The following ADAMTS19 variants were observed in gnomAD, a reference collection of about 807,000 sequenced individuals.
The protein encoded by ADAMTS19 is A disintegrin and metalloproteinase with thrombospondin motifs 19.
ADAMTS19 carries 93 observed loss-of-function variants against 153.3 expected under a neutral mutation model. The observed-to-expected ratio is 0.61, with a 90% confidence interval of 0.51 to 0.72. ADAMTS19 has a LOEUF of 0.72. Ranked by LOEUF, ADAMTS19 falls within the 30% of genes least tolerant of loss-of-function variation. The pLI, the probability that ADAMTS19 is intolerant of heterozygous loss-of-function variation, is 0.00. For missense variants in ADAMTS19, 1,482 were observed against 1,552.1 expected, an observed-to-expected ratio of 0.95 and a Z score of 0.76; for synonymous variants, 600 against 556.6, an observed-to-expected ratio of 1.08 and a Z score of -1.10.
intron 15 of ADAMTS19, among the ~76,000 whole-genome samples, chr5:129,663,404 T>C (rs1753905865): frequency 6.6e-6 from 1 of 152,184 alleles, no homozygotes; most frequent in Admixed American, 6.5e-5. Flanking sequence ...TACTGGATGT[T>C]TCTACTAGTG....
chr5:129,666,196 T>G (rs1428271552), intron 16 of ADAMTS19, among the ~76,000 whole-genome samples: 1 of 152,012 alleles, frequency 6.6e-6, no homozygotes, highest in African/African-American at 2.4e-5. Flanking sequence ...ATTAGGTCAA[T>G]TCATGATTTT....
At position 129,622,359 on chromosome 5, in the gene ADAMTS19, AG is replaced by A; in HGVS notation, c.1770+13del. ...TGTCAGGAGATGCAGGTAAAGATCC[AG>A]GTGGGGATTTTGTGCGTTCATTCAT... On this transcript the variant is annotated intron_variant, in intron 10 of 22. Coordinates refer to ENST00000274487, the MANE Select transcript of ADAMTS19 (RefSeq NM_133638.6). 1.9e-6 allele frequency: 3 copies of A among 1,613,802 alleles called. No individual in the cohort carries two copies. Among genetic ancestry groups the A allele is most frequent in the South Asian group, 1.1e-5 (1 of 91,068 alleles).
At chr5:129,629,567 A>G (rs1369198184) in intron 10 of ADAMTS19, among the ~76,000 whole-genome samples, 2 of 152,100 alleles carry the variant, frequency 1.3e-5, no homozygotes, top group Non-Finnish European at 2.9e-5. Context: ...TTATTGCATA[A>G]TGCTGATCTA....
intron 14 of ADAMTS19, among the ~76,000 whole-genome samples, chr5:129,657,048 A>G (rs1434946624): frequency 6.6e-6 from 1 of 152,158 alleles, no homozygotes; most frequent in African/African-American, 2.4e-5. Flanking sequence ...TTCTCTTCAC[A>G]TACTTGGTTG....
chr5:129,607,984 A>G (rs1227889775), intron 8 of ADAMTS19, among the ~76,000 whole-genome samples: 1 of 147,628 alleles, frequency 6.8e-6, no homozygotes, highest in Non-Finnish European at 1.5e-5. Flanking sequence ...TTTCCATTAT[A>G]TAAACAATTC....
intron 2 of ADAMTS19, among the ~76,000 whole-genome samples, chr5:129,478,004 A>G (rs1462966628): frequency 6.6e-6 from 1 of 152,178 alleles, no homozygotes; most frequent in Non-Finnish European, 1.5e-5. Flanking sequence ...AAAAAATTCA[A>G]TATAAGTGAA....
At chr5:129,718,191 T>G (rs1756816429) in intron 21 of ADAMTS19, among the ~76,000 whole-genome samples, 1 of 152,176 alleles carries the variant, frequency 6.6e-6, no homozygotes, top group African/African-American at 2.4e-5. Flanking sequence ...AAAACACATT[T>G]TGATTATTTT....
intron 7 of ADAMTS19, among the ~76,000 whole-genome samples, chr5:129,576,586 CT>C (rs79974624): frequency 5.2e-3 from 732 of 140,328 alleles, no homozygotes; most frequent in South Asian, 7.8e-3. Flanking sequence ...TTGCTTTATT[CT>C]TTTTTTTTTT....
Position 129,461,327 on chromosome 5 carries a change from A to T in ADAMTS19, c.317A>T (p.Glu106Val). 2 of 1,329,664 alleles carry T rather than the reference A, an allele frequency of 1.5e-6. No individual in the cohort carries two copies. Among genetic ancestry groups the T allele is most frequent in the Non-Finnish European group, 1.9e-6 (2 of 1,048,752 alleles). The allele number at this position is 1,329,664 out of a possible 1,614,324, so 82.4% of individuals were successfully genotyped here. The change falls in exon 2 of 23, where the codon GAG becomes GTG. Residue 106 changes from glutamate to valine, a missense_variant. Glu to Val is a moderately radical substitution (Grantham distance 121). This residue lies in a region of ADAMTS19 where 866 missense variants were observed against 827.7 expected (regional missense o/e 1.05). Transcript: ENST00000274487. The surrounding 1 kb of genome is among the most constrained non-coding windows in gnomAD (Gnocchi z 4.6). ...GAGGAGCCCGTGGAGGGCCGATCAGAGTCCCGGCTCCGGCCCCCGCCGCCG... is the reference window on the plus strand; with the variant it reads ...GAGGAGCCCGTGGAGGGCCGATCAGTGTCCCGGCTCCGGCCCCCGCCGCCG... ...PLEEPVEGRS[E>V]SRLRPPPPSE... is the part of the protein sequence containing the mutation.
chr5:129,730,033 A>T (rs1757370069), intron 21 of ADAMTS19, among the ~76,000 whole-genome samples: 1 of 152,122 alleles, frequency 6.6e-6, no homozygotes, highest in Non-Finnish European at 1.5e-5. Flanking sequence ...AATAGATACT[A>T]GAACAGTATT....
intron 8 of ADAMTS19, among the ~76,000 whole-genome samples, chr5:129,617,063 A>C (rs1227588805): frequency 6.6e-6 from 1 of 152,024 alleles, no homozygotes; most frequent in African/African-American, 2.4e-5. Flanking sequence ...TATTGTGAGG[A>C]TTAAGTGATA....
chr5:129,612,629 A>G (rs998568595), intron 8 of ADAMTS19, among the ~76,000 whole-genome samples: 1 of 152,208 alleles, frequency 6.6e-6, no homozygotes, highest in Non-Finnish European at 1.5e-5. Context: ...AACTGCATCA[A>G]CTAAAGAGCA....
intron 11 of ADAMTS19, among the ~76,000 whole-genome samples, 189 bp downstream of exon 11, chr5:129,642,149 A>G (rs761795718): frequency 4.0e-5 from 6 of 151,860 alleles, no homozygotes; most frequent in Non-Finnish European, 5.9e-5. Context: ...TTTTGTTAAT[A>G]TCAATGTGGT....
At chr5:129,534,219 T>C (rs1752322478) in intron 6 of ADAMTS19, among the ~76,000 whole-genome samples, 1 of 152,112 alleles carries the variant, frequency 6.6e-6, no homozygotes, top group South Asian at 2.1e-4. Flanking sequence ...ATTATTAATG[T>C]GTGGGAGTCT....
intron 8 of ADAMTS19, among the ~76,000 whole-genome samples, chr5:129,605,604 A>G (rs1750855381): frequency 6.6e-6 from 1 of 152,166 alleles, no homozygotes; most frequent in African/African-American, 2.4e-5. Context: ...ATAAAACTTC[A>G]AAATGTAACT....
In ADAMTS19 at chr5:129,672,703, C is replaced by A. The variant is rs141616524; in HGVS notation, c.2507-7061C>A. 3.2e-3 allele frequency among the ~76,000 whole-genome samples: 484 copies of A among 152,166 alleles called. 8 individuals are homozygous for A. Among genetic ancestry groups the A allele is most frequent in the Middle Eastern group, 0.017 (5 of 294 alleles). ...TTTCCTGAGAATTTATAAGGCAAATCAAACCCTCATATGGGTTTGCAGCAC... is the reference window on the plus strand; with the variant it reads ...TTTCCTGAGAATTTATAAGGCAAATAAAACCCTCATATGGGTTTGCAGCAC... On this transcript the variant is annotated intron_variant, in intron 16 of 22. Transcript: ENST00000274487.
chr5:129,486,802 G>C (rs1234315670), intron 2 of ADAMTS19, among the ~76,000 whole-genome samples: 1 of 151,926 alleles, frequency 6.6e-6, no homozygotes, highest in African/African-American at 2.4e-5. Flanking sequence ...AGAAGCAGGA[G>C]GATAAGAAAA....
At chr5:129,578,046 A>ACG (rs1325569004) in intron 7 of ADAMTS19, among the ~76,000 whole-genome samples, 1 of 120,808 alleles carries the variant, frequency 8.3e-6, no homozygotes, top group African/African-American at 3.1e-5. Context: ...TTACATACAC[A>ACG]CACACACACA....
intron 7 of ADAMTS19, among the ~76,000 whole-genome samples, chr5:129,553,031 G>C (rs920575789): frequency 1.4e-4 from 22 of 151,946 alleles, no homozygotes; most frequent in Non-Finnish European, 2.9e-4. Context: ...GCTTCCCCCA[G>C]TTTTCTTCTT....
Sources: allele counts gnomAD v4.1 joint callset (sites outside exome capture counted in the v4.1 genomes callset), GRCh38; gene constraint gnomAD v4.1.1; regional missense constraint gnomAD v4.1.1; non-coding constraint Gnocchi (gnomAD v3.1); transcripts MANE v1.5; gene names NCBI Gene and HGNC (gene_info 2026-07-23, HGNC 2026-07-21).